The following SERPINE2 variants were observed in gnomAD, a reference collection of about 807,000 sequenced individuals.
The protein encoded by SERPINE2 is serpin family E member 2.
A neutral mutation model predicts 36.3 loss-of-function variants in SERPINE2; 14 were observed. The observed-to-expected ratio is 0.39, with a 90% CI of 0.25 to 0.60. The LOEUF (loss-of-function observed/expected upper bound fraction) is 0.60, where lower values mean the gene tolerates loss of function less well. SERPINE2 is among the 20% of genes least tolerant of loss of function. SERPINE2 has a pLI of 0.57. For synonymous variants in SERPINE2, 192 were observed against 191.8 expected (o/e 1.00, Z -0.01); for missense variants, 418 against 499.6 (o/e 0.84, Z 1.56).
intron 1 of SERPINE2, among the ~76,000 whole-genome samples, chr2:224,006,818 C>T (rs913071565): frequency 1.3e-5 from 2 of 152,134 alleles, no homozygotes; most frequent in African/African-American, 2.4e-5. Flanking sequence ...AAAGAGTGGA[C>T]GTTCTAGTAC....
intron 1 of SERPINE2, chr2:224,030,963 G>T (rs1692343048): frequency 4.1e-6 from 4 of 985,274 alleles, no homozygotes; most frequent in African/African-American, 1.7e-5. Context: ...ATAAAACCAT[G>T]ATTCAAACGT....
chr2:223,990,941 G>A (rs544934954), intron 4 of SERPINE2, among the ~76,000 whole-genome samples: 1 of 152,324 alleles, frequency 6.6e-6, no homozygotes, highest in Admixed American at 6.5e-5. Flanking sequence ...TTGTGCCACT[G>A]TAGTCTAGCC....
intron 1 of SERPINE2, among the ~76,000 whole-genome samples, chr2:224,037,995 T>C (rs1419950695): frequency 6.6e-6 from 1 of 152,190 alleles, no homozygotes; most frequent in Non-Finnish European, 1.5e-5. Context: ...ATACTGCAAA[T>C]AGCAAATAAG....
At position 223,977,644 on chromosome 2, in the gene SERPINE2, A is replaced by G; in HGVS notation, c.1073-17T>C. 1 of 1,574,696 alleles carries G rather than the reference A, an allele frequency of 6.4e-7. No homozygotes were observed. The highest frequency in any genetic ancestry group is 8.7e-7 in the Non-Finnish European group (1 of 1,144,480). The stretch of plus-strand genomic sequence containing the variant: ...GAATTGCAGCTACGGGAAGAAAAGG[A>G]AAATGTGTTGTGCACATTACATGAG... On this transcript the variant is annotated splice_polypyrimidine_tract_variant and intron_variant, in intron 7 of 8. Coordinates refer to ENST00000409304, the MANE Select transcript of SERPINE2 (RefSeq NM_001136528.2).
At chr2:224,034,574 G>C (rs1692475501) in intron 1 of SERPINE2, among the ~76,000 whole-genome samples, 1 of 152,134 alleles carries the variant, frequency 6.6e-6, no homozygotes, top group East Asian at 1.9e-4. Context: ...AAGTTCCCTG[G>C]CTGCATGCTG....
chr2:223,998,181 C>T lies in SERPINE2; in HGVS notation c.421G>A (p.Val141Met), dbSNP rs773966382. The change falls in exon 3 of 9, where the codon GTG becomes ATG. Residue 141 changes from valine (V) to methionine (M), a missense_variant. Coordinates refer to ENST00000409304, the MANE Select transcript of SERPINE2 (RefSeq NM_001136528.2). ...KDVFQCEVRN[V>M]NFEDPASACD... Reference sequence around the variant, plus strand: ...GCAGAGGCTGGATCCTCAAAGTTCACATTCCGGACCTCACACTGGAACACA... The same window carrying T: ...GCAGAGGCTGGATCCTCAAAGTTCATATTCCGGACCTCACACTGGAACACA... The T allele has an allele frequency of 2.4e-5, 38 of 1,614,122 alleles. No homozygotes were observed. The highest frequency in any genetic ancestry group is 3.1e-5 in the Non-Finnish European group (36 of 1,180,050).
intron 2 of SERPINE2, among the ~76,000 whole-genome samples, chr2:223,999,131 A>AT (rs1453005160): frequency 6.6e-6 from 1 of 152,204 alleles, no homozygotes; most frequent in Non-Finnish European, 1.5e-5. Context: ...TAAAATAAGC[A>AT]TTAGAAAGAC....
At chr2:223,976,519 C>T (rs1690015133) in intron 8 of SERPINE2, among the ~76,000 whole-genome samples, 1 of 152,190 alleles carries the variant, frequency 6.6e-6, no homozygotes, top group Non-Finnish European at 1.5e-5. Context: ...TTGGCTGGCT[C>T]AGTTCTGGGG....
At chr2:223,992,291 AG>A (rs1690705155) in intron 3 of SERPINE2, among the ~76,000 whole-genome samples, 1 of 152,178 alleles carries the variant, frequency 6.6e-6, no homozygotes, top group Admixed American at 6.5e-5. Context: ...CTGCAAGTCC[AG>A]GCTTTAAAAA....
chr2:224,005,065 TTATATATATATATATATA>T (rs71058976), intron 1 of SERPINE2, among the ~76,000 whole-genome samples: 1 of 33,560 alleles, frequency 3.0e-5, no homozygotes, highest in African/African-American at 1.0e-4. Context: ...TTTATATATA[TTATATATATATATATATA>T]TATATATATA....
At chr2:223,993,907 CAG>C (rs1179350493) in intron 3 of SERPINE2, among the ~76,000 whole-genome samples, 2 of 152,212 alleles carry the variant, frequency 1.3e-5, no homozygotes, top group Non-Finnish European at 2.9e-5. Flanking sequence ...TGGCTGCAAA[CAG>C]ACTGTCCTGT....
At chr2:224,012,260 C>T (rs1318867046) in intron 1 of SERPINE2, among the ~76,000 whole-genome samples, 1 of 152,142 alleles carries the variant, frequency 6.6e-6, no homozygotes, top group East Asian at 1.9e-4. Flanking sequence ...TCAGGGATTG[C>T]TTCTGGGAGA....
At chr2:223,993,691 G>T (rs1690767419) in intron 3 of SERPINE2, among the ~76,000 whole-genome samples, 1 of 152,104 alleles carries the variant, frequency 6.6e-6, no homozygotes, top group Non-Finnish European at 1.5e-5. Context: ...CCTTTTAAAT[G>T]AAACTCAAGA....
intron 1 of SERPINE2, among the ~76,000 whole-genome samples, chr2:224,025,053 G>A (rs1692138945): frequency 6.6e-6 from 1 of 152,192 alleles, no homozygotes; most frequent in South Asian, 2.1e-4. Context: ...CCCCTACTAT[G>A]TGCACAGCTC....
rs1057317837 is a variant in SERPINE2, at chr2:224,031,242, T to C, written c.-23+7857A>G. On this transcript the variant is annotated intron_variant, in intron 1 of 8. Transcript: ENST00000409304. ...TACATATTCACAGGGTGTGCCACTT[T>C]GGCATACAGGCTGTGTGACCCCCCA... The C allele has an allele frequency of 8.5e-6, 8 of 940,282 alleles. No homozygotes were observed. The African/African-American group carries it at 1.8e-4, about 21-fold the overall frequency. 58.2% of individuals were successfully genotyped at this position (940,282 alleles called of 1,614,324 possible).
chr2:224,020,202 AG>A (rs1691948825), intron 1 of SERPINE2, among the ~76,000 whole-genome samples: 1 of 152,222 alleles, frequency 6.6e-6, no homozygotes, highest in Admixed American at 6.5e-5. Flanking sequence ...AACCATGGAA[AG>A]GTTGAACTGT....
intron 8 of SERPINE2, among the ~76,000 whole-genome samples, chr2:223,976,566 G>A (rs1190930520): frequency 6.6e-6 from 1 of 152,244 alleles, no homozygotes. Context: ...AATGAGATAA[G>A]AGAATAAGGA....
intron 2 of SERPINE2, 189 bp downstream of exon 2, chr2:224,001,453 T>C: frequency 1.7e-6 from 1 of 589,496 alleles, no homozygotes; most frequent in Non-Finnish European, 2.9e-6. Context: ...CAGAGTCTAG[T>C]TCTCCTAACT....
At chr2:224,000,511 G>GTATC (rs565002360) in intron 2 of SERPINE2, among the ~76,000 whole-genome samples, 12 of 151,932 alleles carry the variant, frequency 7.9e-5, no homozygotes, top group African/African-American at 2.2e-4. Flanking sequence ...CTCTCTCTAC[G>GTATC]TATCTATCTA....
Sources: allele counts gnomAD v4.1 joint callset (sites outside exome capture counted in the v4.1 genomes callset), GRCh38; gene constraint gnomAD v4.1.1; transcripts MANE v1.5; gene names NCBI Gene and HGNC (gene_info 2026-07-23, HGNC 2026-07-21).